Variants in TGDS observed in about 807,000 individuals in gnomAD.
The protein encoded by TGDS is TDP-glucose 4,6-dehydratase.
A neutral mutation model predicts 52.3 loss-of-function variants in TGDS; 47 were observed. The ratio of observed to expected loss-of-function variants is 0.90; its 90% CI spans 0.71 to 1.15. The LOEUF (loss-of-function observed/expected upper bound fraction) is 1.15, where lower values mean the gene tolerates loss of function less well. TGDS is among the 50% of genes most tolerant of loss of function. The pLI, the probability that TGDS is intolerant of heterozygous loss-of-function variation, is 0.00. For synonymous variants in TGDS, 115 were observed against 136.9 expected (o/e 0.84, Z 1.12); for missense variants, 375 against 418.4 (o/e 0.90, Z 0.90).
chr13:94,578,754 G>T lies in TGDS; in HGVS notation c.635C>A (p.Ser212Tyr). 1 of 1,529,236 alleles carries T rather than the reference G, an allele frequency of 6.5e-7. No individual in the cohort carries two copies. The highest frequency in any genetic ancestry group is 9.0e-7 in the Non-Finnish European group (1 of 1,108,178). 94.7% of individuals were successfully genotyped at this position (1,529,236 alleles called of 1,614,324 possible). A position where few individuals can be genotyped will look rare whatever the true frequency, so the allele number is the denominator to read the frequency against. The stretch of plus-strand genomic sequence containing the variant: ...CCATTTCCTGTTGTGCTGTAGCAAA[G>T]ATATAAATTTTGGAATAACCTAAAA... ...YPEKVIPKFI[S>Y]LLQHNRKCCI... The change falls in exon 8 of 12, where the codon TCT becomes TAT. Residue 212 changes from serine (S) to tyrosine (Y), a missense_variant. Transcript: ENST00000261296.
intron 4 of TGDS, among the ~76,000 whole-genome samples, chr13:94,586,808 G>C (rs913802179): frequency 1.3e-4 from 19 of 146,314 alleles, no homozygotes; most frequent in African/African-American, 4.5e-4. Flanking sequence ...GCCCGGGCTG[G>C]AGTGCAGGGG....
rs567403221 is a variant in TGDS, at chr13:94,589,626, A to C, written c.313+1227T>G. On this transcript the variant is annotated intron_variant, in intron 4 of 11. Transcript: ENST00000261296. ...ACCGCTCCCGGCCAAAATGGACAAA[A>C]GATTTCAACAGCATTTCATAAAGGA... Among the ~76,000 whole-genome samples the C allele has an allele frequency of 3.3e-5, 5 of 152,322 alleles. No individual in the cohort carries two copies. The South Asian group carries it at 1.0e-3, about 32-fold the overall frequency.
At chr13:94,586,590 C>T (rs1566960807) in intron 4 of TGDS, among the ~76,000 whole-genome samples, 1 of 152,062 alleles carries the variant, frequency 6.6e-6, no homozygotes, top group Non-Finnish European at 1.5e-5. Flanking sequence ...ATATACTGAA[C>T]CAAAAAGCAA....
chr13:94,594,629 C>A (rs9524551), intron 1 of TGDS, among the ~76,000 whole-genome samples: 1 of 152,076 alleles, frequency 6.6e-6, no homozygotes, highest in South Asian at 2.1e-4. Flanking sequence ...AGTTTGTATT[C>A]GGCATTCCTT....
Position 94,591,668 on chromosome 13 carries a change from C to T in TGDS, c.222+573G>A, listed in dbSNP as rs1034726398. On this transcript the variant is annotated intron_variant, in intron 3 of 11. Transcript: ENST00000261296. ...ACAATTAAGTAAAATTATGGTACTT[C>T]TAATGTTTATATGTACATTTAATTA... Among the ~76,000 whole-genome samples the T allele has an allele frequency of 3.9e-5, 6 of 152,168 alleles. No homozygotes were observed. In the East Asian group the frequency reaches 1.2e-3, roughly 29 times the overall value.
intron 7 of TGDS, among the ~76,000 whole-genome samples, chr13:94,579,068 A>G (rs1189499861): frequency 6.6e-6 from 1 of 152,232 alleles, no homozygotes; most frequent in Non-Finnish European, 1.5e-5. Context: ...TGCTGACTTC[A>G]TAAGGGCAGA....
chr13:94,574,656 A>G lies in TGDS; in HGVS notation c.*126T>C. 1.7e-6 allele frequency: 1 copy of G among 594,312 alleles called. No homozygotes were observed. Among genetic ancestry groups the G allele is most frequent in the South Asian group, 2.3e-5 (1 of 42,864 alleles). 36.8% of individuals were successfully genotyped at this position (594,312 alleles called of 1,614,324 possible). ...GAGGCATTCTGCATTTGAATTTTAT[A>G]CAGAAAGTCATGAATCTAATTCCAA... On this transcript the variant is annotated 3_prime_UTR_variant, in exon 12 of 12. Coordinates refer to ENST00000261296, the MANE Select transcript of TGDS (RefSeq NM_014305.4).
At chr13:94,590,968 G>T in intron 3 of TGDS, 25 bp from the exon 4 acceptor site, 1 of 1,529,610 alleles carries the variant, frequency 6.5e-7, no homozygotes, top group South Asian at 1.2e-5. Context: ...AAACATGAAA[G>T]GGCCTAGGTT....
chr13:94,591,364 G>A (rs927722741), intron 3 of TGDS, among the ~76,000 whole-genome samples: 5 of 152,222 alleles, frequency 3.3e-5, no homozygotes, highest in South Asian at 2.1e-4. Flanking sequence ...AAGTTGAGGC[G>A]GGCAGATCAC....
rs66717082 is a variant in TGDS at position 94,575,285 on chromosome 13, CT to C, written c.983-434del. 2.0e-3 allele frequency among the ~76,000 whole-genome samples: 226 copies of C among 113,190 alleles called. 1 individual carries two copies. Among genetic ancestry groups the C allele is most frequent in the Middle Eastern group, 5.1e-3 (1 of 196 alleles). The allele number at this position is 113,190 out of a possible 152,430, so 74.3% of individuals were successfully genotyped here. A position where few individuals can be genotyped will look rare whatever the true frequency, so the allele number is the denominator to read the frequency against. On this transcript the variant is annotated intron_variant, in intron 11 of 11. Transcript: ENST00000261296. ...CAATGAGTTGATGTGAACTTCCTTG[CT>C]TTTTTTTTTTTTTTTTTTTTAAAGA...
rs1046075971 is a variant in TGDS at position 94,596,065 on chromosome 13, G to T, written c.72C>A (p.Gly24=). The change falls in exon 1 of 12, where the codon GGC becomes GGA. Residue 24 remains glycine, a synonymous_variant. Coordinates refer to ENST00000261296, the MANE Select transcript of TGDS (RefSeq NM_014305.4). ...GGFAKRVLVT[G]GAGFIASHMI... is the part of the protein sequence containing the mutation. ...CCATTACCTACATGAAACCAGCACC[G>T]CCGGTCACCAGGACCCGCTTCGCAA... is the stretch of plus-strand genomic sequence containing the variant. 3.7e-6 allele frequency: 6 copies of T among 1,613,968 alleles called. No homozygotes were observed. Among genetic ancestry groups the T allele is most frequent in the African/African-American group, 1.3e-5 (1 of 74,912 alleles).
rs200877310 is a variant in TGDS, at chr13:94,596,113, T to C, written c.24A>G (p.Glu8=). The C allele has an allele frequency of 4.1e-5, 66 of 1,614,112 alleles. No homozygotes were observed. The African/African-American group carries it at 8.7e-4, about 21-fold the overall frequency. The part of the protein sequence containing the change: MSAACWE[E]PWGLPGGFAK... ...CAAAGCCGCCGGGAAGACCCCACGGTTCCTCCCAACACGCCGCCGACATCT... is the reference window on the plus strand; with the variant it reads ...CAAAGCCGCCGGGAAGACCCCACGGCTCCTCCCAACACGCCGCCGACATCT... Residue 8 remains glutamate, a synonymous_variant, in exon 1 of 12, where the codon GAA becomes GAG. Coordinates refer to ENST00000261296, the MANE Select transcript of TGDS (RefSeq NM_014305.4).
At chr13:94,577,320 A>T in intron 10 of TGDS, 51 bp downstream of exon 10, 1 of 1,369,672 alleles carries the variant, frequency 7.3e-7, no homozygotes, top group Non-Finnish European at 9.9e-7. Context: ...ATAATTTTAT[A>T]AGTACCTAAG....
intron 1 of TGDS, 198 bp downstream of exon 1, chr13:94,595,853 A>G (rs1293066678): frequency 3.1e-6 from 2 of 639,714 alleles, no homozygotes; most frequent in African/African-American, 1.8e-5. Flanking sequence ...AGGCGTTTTA[A>G]AGAAGTCAGT....
At chr13:94,579,999 T>A (rs1888729261) in intron 6 of TGDS, 46 bp from the exon 7 acceptor site, 1 of 1,252,402 alleles carries the variant, frequency 8.0e-7, no homozygotes, top group African/African-American at 1.5e-5. Flanking sequence ...GGTCTAATAA[T>A]AATGATTATT....
intron 11 of TGDS, 102 bp from the exon 12 acceptor site, chr13:94,574,954 C>T: frequency 1.5e-6 from 1 of 658,692 alleles, no homozygotes; most frequent in Non-Finnish European, 2.6e-6. Context: ...AAGTCTTGCC[C>T]ATCAGCTAAG....
At chr13:94,576,267 T>G (rs770714152) in intron 11 of TGDS, 47 bp downstream of exon 11, 3 of 1,337,302 alleles carry the variant, frequency 2.2e-6, no homozygotes, top group Non-Finnish European at 3.1e-6. Context: ...TTATTTTTCC[T>G]TTAAATTTTT....
intron 5 of TGDS, among the ~76,000 whole-genome samples, chr13:94,581,929 G>C (rs1566956503): frequency 6.6e-6 from 1 of 152,204 alleles, no homozygotes; most frequent in Non-Finnish European, 1.5e-5. Flanking sequence ...GCTGGACACA[G>C]TGGCTCATAC....
chr13:94,595,574 G>A (rs1224356352), intron 1 of TGDS, among the ~76,000 whole-genome samples: 2 of 152,188 alleles, frequency 1.3e-5, no homozygotes, highest in African/African-American at 4.8e-5. Context: ...GAAGTAGAGA[G>A]GACTTGCTGC....
Sources: gnomAD v4.1 joint callset for allele counts (sites outside exome capture counted in the v4.1 genomes callset) on GRCh38, gnomAD v4.1.1 for gene constraint, MANE v1.5 for transcripts, NCBI Gene and HGNC (gene_info 2026-07-23, HGNC 2026-07-21) for gene names.